The following SLC9B1 variants were observed in gnomAD, a reference collection of about 807,000 sequenced individuals.
SLC9B1 encodes the protein solute carrier family 9 member B1.
Under a neutral mutation model 51.7 loss-of-function variants are expected in SLC9B1, and 32 were observed. That is an observed-to-expected ratio of 0.62 (90% CI 0.47 to 0.83). The LOEUF is 0.83. SLC9B1 is among the 40% of genes least tolerant of loss of function. The pLI is 0.00. For synonymous variants in SLC9B1, 145 were observed against 212.7 expected, an observed-to-expected ratio of 0.68 and a Z score of 2.77; for missense variants, 406 against 613.2, an observed-to-expected ratio of 0.66 and a Z score of 3.57.
intron 1 of SLC9B1, among the ~76,000 whole-genome samples, chr4:103,000,101 T>C (rs1357878568): frequency 6.6e-6 from 1 of 152,154 alleles, no homozygotes; most frequent in Non-Finnish European, 1.5e-5. Flanking sequence ...GCCCCCTTGA[T>C]CCAGTCACCT....
intron 3 of SLC9B1, among the ~76,000 whole-genome samples, chr4:102,988,766 G>C (rs1271993408): frequency 6.6e-6 from 1 of 152,084 alleles, no homozygotes; most frequent in Admixed American, 6.6e-5. Context: ...AATCAAAAAT[G>C]AAAGAAAACA....
chr4:102,934,034 G>C (rs1736593520), intron 6 of SLC9B1, among the ~76,000 whole-genome samples: 1 of 152,188 alleles, frequency 6.6e-6, no homozygotes, highest in South Asian at 2.1e-4. Context: ...GCCTCCCAAA[G>C]TGCTGGGATT....
chr4:102,995,681 T>C (rs1169808759), intron 1 of SLC9B1, among the ~76,000 whole-genome samples: 1 of 152,204 alleles, frequency 6.6e-6, no homozygotes, highest in Admixed American at 6.5e-5. Context: ...TGGTAGGTGG[T>C]ATGCCTAAAA....
At chr4:102,983,421 A>G (rs1201649116) in intron 3 of SLC9B1, among the ~76,000 whole-genome samples, 1 of 152,140 alleles carries the variant, frequency 6.6e-6, no homozygotes, top group Admixed American at 6.6e-5. Context: ...ATTGGAAAGT[A>G]TTCCTTCTGC....
chr4:102,963,999 A>C (rs1352035345), intron 3 of SLC9B1, among the ~76,000 whole-genome samples: 2 of 152,144 alleles, frequency 1.3e-5, no homozygotes, highest in African/African-American at 4.8e-5. Flanking sequence ...CATTAAAAAC[A>C]ACCAAAGAAA....
At chr4:103,019,513 G>T (rs933202986) in intron 1 of SLC9B1, 86 bp downstream of exon 1, 1 of 921,906 alleles carries the variant, frequency 1.1e-6, no homozygotes, top group Non-Finnish European at 1.3e-6. Context: ...GCCCTCCTGC[G>T]GCCTACCGCA....
intron 7 of SLC9B1, among the ~76,000 whole-genome samples, chr4:102,925,408 G>A (rs1485052626): frequency 6.6e-6 from 1 of 152,150 alleles, no homozygotes; most frequent in African/African-American, 2.4e-5. Flanking sequence ...CTGTCATGGA[G>A]TGTGGGGAGG....
chr4:102,886,732 C>G (rs1481329227), intron 11 of SLC9B1, among the ~76,000 whole-genome samples: 2 of 149,386 alleles, frequency 1.3e-5, no homozygotes, highest in Non-Finnish European at 3.0e-5. Context: ...TCTCCCACCT[C>G]AGCCTCCCAA....
intron 6 of SLC9B1, among the ~76,000 whole-genome samples, chr4:102,937,325 A>T (rs1419294401): frequency 4.0e-5 from 6 of 150,070 alleles, no homozygotes; most frequent in African/African-American, 1.2e-4. Flanking sequence ...GTGGTCTCAA[A>T]TTCCCAACCT....
At chr4:102,928,042 C>T (rs184140351) in intron 7 of SLC9B1, among the ~76,000 whole-genome samples, 1 of 149,062 alleles carries the variant, frequency 6.7e-6, no homozygotes, top group African/African-American at 2.5e-5. Context: ...CACTTGGACA[C>T]AGGGCTGGGA....
intron 10 of SLC9B1, 188 bp downstream of exon 10, chr4:102,906,348 T>G (rs986142915): frequency 3.7e-5 from 14 of 376,562 alleles, no homozygotes; most frequent in Non-Finnish European, 6.1e-5. Flanking sequence ...AGGGCTGTCC[T>G]TGGTTTATAA....
intron 11 of SLC9B1, among the ~76,000 whole-genome samples, chr4:102,894,785 A>G (rs1578325017): frequency 6.6e-6 from 1 of 152,088 alleles, no homozygotes; most frequent in Non-Finnish European, 1.5e-5. Flanking sequence ...GTGAAACGCT[A>G]TCTCTAACCA....
Position 102,932,116 on chromosome 4 carries a change from T to A in SLC9B1, c.829+8A>T. On this transcript the variant is annotated splice_region_variant and intron_variant, in intron 7 of 11. Transcript: ENST00000296422. Reference sequence around the variant, plus strand: ...ATGATCTAGTGGTTGTTATATTTTCTTGTTTACCTGAGGAAAAGACTATGC... The same window carrying A: ...ATGATCTAGTGGTTGTTATATTTTCATGTTTACCTGAGGAAAAGACTATGC... 1 of 1,611,632 alleles carries A rather than the reference T, an allele frequency of 6.2e-7. No homozygotes were observed. Among genetic ancestry groups the A allele is most frequent in the Non-Finnish European group, 8.5e-7 (1 of 1,179,580 alleles).
At chr4:102,901,991 A>C (rs1734812656) in intron 11 of SLC9B1, among the ~76,000 whole-genome samples, 1 of 152,206 alleles carries the variant, frequency 6.6e-6, no homozygotes, top group African/African-American at 2.4e-5. Flanking sequence ...AACAGCTGGC[A>C]CACAGTAGGT....
Position 102,932,435 on chromosome 4 carries a change from G to C in SLC9B1, c.654-136C>G, listed in dbSNP as rs1736507244. On this transcript the variant is annotated intron_variant, in intron 6 of 11. Coordinates refer to ENST00000296422, the MANE Select transcript of SLC9B1 (RefSeq NM_139173.4). Reference sequence around the variant, plus strand: ...CAAATTTGAGTGAATGCAATTTAATGGTGATAAAACTTTTCATGCATTGTT... The same window carrying C: ...CAAATTTGAGTGAATGCAATTTAATCGTGATAAAACTTTTCATGCATTGTT... The C allele has an allele frequency of 9.6e-6, 8 of 832,538 alleles. No homozygotes were observed. The Admixed American group carries it at 2.3e-4, about 24-fold the overall frequency. The allele number at this position is 832,538 out of a possible 1,614,324, so 51.6% of individuals were successfully genotyped here. A position where few individuals can be genotyped will look rare whatever the true frequency, so the allele number is the denominator to read the frequency against.
At chr4:103,019,334 C>T (rs1259785367) in intron 1 of SLC9B1, among the ~76,000 whole-genome samples, 3 of 151,904 alleles carry the variant, frequency 2.0e-5, no homozygotes, top group African/African-American at 7.3e-5. Flanking sequence ...TTCTTACTGG[C>T]GAGTATTTGT....
At chr4:103,000,983 C>T (rs1038948748) in intron 1 of SLC9B1, among the ~76,000 whole-genome samples, 4 of 152,262 alleles carry the variant, frequency 2.6e-5, no homozygotes, top group Non-Finnish European at 4.4e-5. Context: ...CTGTACCAAA[C>T]TTCTGCCTGG....
intron 6 of SLC9B1, 152 bp from the exon 7 acceptor site, chr4:102,932,451 A>G: frequency 1.3e-6 from 1 of 772,460 alleles, no homozygotes; most frequent in Non-Finnish European, 2.1e-6. Flanking sequence ...AAAACTTTTC[A>G]TGCATTGTTT....
At chr4:103,017,068 T>C (rs1304402155) in intron 1 of SLC9B1, 2 of 152,182 alleles carry the variant, frequency 1.3e-5, no homozygotes. Context: ...TCCTTAGTCT[T>C]TTCCATTTGG....
Sources: allele counts gnomAD v4.1 joint callset (sites outside exome capture counted in the v4.1 genomes callset), GRCh38; gene constraint gnomAD v4.1.1; transcripts MANE v1.5; gene names NCBI Gene and HGNC (gene_info 2026-07-23, HGNC 2026-07-21).